KLF12: variants seen among roughly 807,000 people sequenced by gnomAD.
The protein encoded by KLF12 is KLF transcription factor 12.
In KLF12, 9 loss-of-function variants were observed where a neutral mutation model predicts 37.8. That is an observed-to-expected ratio of 0.24 (90% CI 0.14 to 0.42). The LOEUF (loss-of-function observed/expected upper bound fraction) is 0.42. Ranked by LOEUF, KLF12 falls within the 10% of genes least tolerant of loss-of-function variation. KLF12 has a pLI of 1.00. For missense variants in KLF12, 411 were observed against 516.0 expected (o/e 0.80, Z 1.97); for synonymous variants, 208 against 202.1 (o/e 1.03, Z -0.25).
At chr13:74,100,109 G>T (rs1344984319) in intron 1 of KLF12, among the ~76,000 whole-genome samples, 1 of 152,116 alleles carries the variant, frequency 6.6e-6, no homozygotes. Context: ...GGACAGAGGG[G>T]TTGTGGGGGT....
At chr13:74,261,093 G>A in the KLF12 span, among the ~76,000 whole-genome samples, 3 of 152,122 alleles carry the variant, frequency 2.0e-5, no homozygotes, top group African/African-American at 4.8e-5. Context: ...GAACTTATCC[G>A]TGTAACCAAA....
chr13:74,278,330 A>G, the KLF12 span, among the ~76,000 whole-genome samples: 2 of 152,232 alleles, frequency 1.3e-5, no homozygotes, highest in Non-Finnish European at 2.9e-5. Context: ...CAGAAACAAC[A>G]GCTTTTTCAC....
rs992590817 is a variant in KLF12 at position 73,687,083 on chromosome 13, C to T, written c.*8407G>A. ...GGCAGGTGGGTATCTTAAAGGTGGT[C>T]TGTTCTCATCGTTTCACAACACAAA... On this transcript the variant is annotated 3_prime_UTR_variant, in exon 8 of 8. Coordinates refer to ENST00000377669, the MANE Select transcript of KLF12 (RefSeq NM_007249.5). 5.2e-5 allele frequency: 8 copies of T among 152,582 alleles called. No homozygotes were observed. Among genetic ancestry groups the T allele is most frequent in the African/African-American group, 1.9e-4 (8 of 41,438 alleles). 9.5% of individuals were successfully genotyped at this position (152,582 alleles called of 1,614,324 possible).
the KLF12 span, among the ~76,000 whole-genome samples, chr13:74,202,831 C>A: frequency 2.6e-5 from 4 of 152,130 alleles, no homozygotes; most frequent in African/African-American, 9.7e-5. Flanking sequence ...TGCTCTGAAC[C>A]ATTGAGTGGT....
intron 4 of KLF12, among the ~76,000 whole-genome samples, chr13:73,834,888 A>G (rs1884349047): frequency 6.6e-6 from 1 of 152,130 alleles, no homozygotes; most frequent in Admixed American, 6.5e-5. Flanking sequence ...TCTCAGCAAA[A>G]CTTCCTAGTA....
At chr13:74,058,315 G>C (rs1873369520) in intron 1 of KLF12, among the ~76,000 whole-genome samples, 1 of 145,880 alleles carries the variant, frequency 6.9e-6, no homozygotes. Context: ...TTCCTCATCT[G>C]CAAAATGGGT....
chr13:73,785,378 T>G (rs1881276441), intron 5 of KLF12, among the ~76,000 whole-genome samples: 1 of 152,136 alleles, frequency 6.6e-6, no homozygotes, highest in African/African-American at 2.4e-5. Context: ...TCTCCCAAAG[T>G]GCTGGGATTA....
intron 3 of KLF12, among the ~76,000 whole-genome samples, chr13:73,931,909 C>T (rs1416157832): frequency 6.6e-6 from 1 of 151,142 alleles, no homozygotes; most frequent in Non-Finnish European, 1.5e-5. Flanking sequence ...CTTCAAGCAA[C>T]CCAGAAGGCT....
chr13:73,825,814 C>T (rs1450118960), intron 4 of KLF12, among the ~76,000 whole-genome samples: 1 of 152,156 alleles, frequency 6.6e-6, no homozygotes, highest in Non-Finnish European at 1.5e-5. Context: ...TACCTCCACT[C>T]TAAGCACCTG....
At chr13:74,127,452 C>A (rs1233675631) in intron 1 of KLF12, among the ~76,000 whole-genome samples, 2 of 152,128 alleles carry the variant, frequency 1.3e-5, no homozygotes, top group Non-Finnish European at 2.9e-5. Flanking sequence ...CCAACCGGAA[C>A]ACAGTGTATT....
intron 7 of KLF12, among the ~76,000 whole-genome samples, chr13:73,705,151 C>T (rs1001368211): frequency 6.6e-6 from 1 of 152,084 alleles, no homozygotes; most frequent in Non-Finnish European, 1.5e-5. Flanking sequence ...TGTGACTGAG[C>T]CTTGTATTCT....
chr13:74,132,616 G>A (rs1178305824), intron 1 of KLF12, among the ~76,000 whole-genome samples: 2 of 152,140 alleles, frequency 1.3e-5, no homozygotes, highest in African/African-American at 4.8e-5. Flanking sequence ...TACACATTCC[G>A]TTGTATTAAT....
Position 74,059,931 on chromosome 13 carries a change from T to G in KLF12, c.-31-64878A>C, listed in dbSNP as rs111695273. Among the ~76,000 whole-genome samples, 7 of 152,304 alleles carry G rather than the reference T, an allele frequency of 4.6e-5. 2 individuals are homozygous for G. The highest frequency in any genetic ancestry group is 1.7e-4 in the African/African-American group (7 of 41,570). ...ATTTAAGTCTTTAATCCATCTTAATTTTTGTATATGGTGAGAGACAGGGGT... is the reference window on the plus strand; with the variant it reads ...ATTTAAGTCTTTAATCCATCTTAATGTTTGTATATGGTGAGAGACAGGGGT... On this transcript the variant is annotated intron_variant, in intron 1 of 7. Transcript: ENST00000377669.
chr13:73,698,443 C>T (rs368817536), intron 7 of KLF12, among the ~76,000 whole-genome samples: 1 of 152,082 alleles, frequency 6.6e-6, no homozygotes, highest in Non-Finnish European at 1.5e-5. Context: ...TTAAAATTCT[C>T]TAATTTCTTC....
chr13:74,146,553 AATCT>A, the KLF12 span, among the ~76,000 whole-genome samples: 1 of 152,218 alleles, frequency 6.6e-6, no homozygotes. Context: ...TTTAGAACCA[AATCT>A]ATCTGTCTAA....
chr13:74,014,254 G>C (rs1351560410), intron 1 of KLF12, among the ~76,000 whole-genome samples: 2 of 152,174 alleles, frequency 1.3e-5, no homozygotes, highest in African/African-American at 4.8e-5. Context: ...CAGCCCAGTG[G>C]ATAGAGGACA....
chr13:73,871,596 C>T (rs1404637701), intron 3 of KLF12, among the ~76,000 whole-genome samples: 1 of 152,110 alleles, frequency 6.6e-6, no homozygotes, highest in African/African-American at 2.4e-5. Context: ...ACATAGTTTC[C>T]CCATGTTCCT....
chr13:74,222,997 T>C, the KLF12 span, among the ~76,000 whole-genome samples: 1 of 152,216 alleles, frequency 6.6e-6, no homozygotes, highest in Non-Finnish European at 1.5e-5. Flanking sequence ...CTAACCCTTG[T>C]TGATTTAAAA....
At chr13:74,238,277 C>T in the KLF12 span, among the ~76,000 whole-genome samples, 1 of 128,052 alleles carries the variant, frequency 7.8e-6, no homozygotes, top group South Asian at 2.4e-4. Context: ...GCCTTGCATC[C>T]CAGGGATGAA....
Sources: allele counts gnomAD v4.1 joint callset (sites outside exome capture counted in the v4.1 genomes callset), GRCh38; gene constraint gnomAD v4.1.1; transcripts MANE v1.5; gene names NCBI Gene and HGNC (gene_info 2026-07-23, HGNC 2026-07-21).